The following HTR5A variants were observed in gnomAD, a reference collection of about 807,000 sequenced individuals.
The protein encoded by HTR5A is 5-hydroxytryptamine receptor 5A, also known as 5-HT-5.
Under a neutral mutation model 24.3 loss-of-function variants are expected in HTR5A, and 21 were observed. The observed-to-expected ratio is 0.86, with a 90% CI of 0.61 to 1.24. The LOEUF (loss-of-function observed/expected upper bound fraction) is 1.24, where lower values mean the gene tolerates loss of function less well. Among genes scored for constraint, HTR5A ranks in the 50% most tolerant of loss-of-function variants. The pLI is 0.00. For missense variants in HTR5A, 497 were observed against 489.5 expected (o/e 1.02, Z -0.15); for synonymous variants, 260 against 213.7 (o/e 1.22, Z -1.89).
chr7:155,082,323 T>G (rs1795426910), intron 1 of HTR5A, among the ~76,000 whole-genome samples: 1 of 152,076 alleles, frequency 6.6e-6, no homozygotes, highest in Non-Finnish European at 1.5e-5. Context: ...GTGAATGGCA[T>G]CCATGGTGTC....
intron 1 of HTR5A, among the ~76,000 whole-genome samples, chr7:155,072,084 T>A (rs533407594): frequency 6.6e-6 from 1 of 152,208 alleles, no homozygotes; most frequent in Admixed American, 6.5e-5. Flanking sequence ...CATGATTTGA[T>A]AAGAAGACTG....
rs145552975 is a variant in HTR5A, at chr7:155,084,202, C to T, written c.789C>T (p.His263=). The change falls in exon 2 of 2, where the codon CAC becomes CAT. Residue 263 remains histidine, a synonymous_variant. Transcript: ENST00000287907. ...CCCAGATGGTGTTCACGGTCCGCCA[C>T]GCCACCGTCACCTTCCAGCCAGAAG... ...KQPQMVFTVR[H]ATVTFQPEGD... 5.5e-4 allele frequency: 894 copies of T among 1,613,762 alleles called. 1 individual carries two copies. Among genetic ancestry groups the T allele is most frequent in the African/African-American group, 4.7e-3 (350 of 75,012 alleles).
intron 1 of HTR5A, among the ~76,000 whole-genome samples, chr7:155,073,282 C>G (rs2150817233): frequency 6.8e-6 from 1 of 147,442 alleles, no homozygotes; most frequent in East Asian, 2.0e-4. Context: ...GATTGCGCCA[C>G]TGCACTCCAG....
chr7:155,073,865 GTATATATATA>G lies in HTR5A; in HGVS notation c.741+2227_741+2236del, dbSNP rs151333626. ...CATATATATACATATGTGTGTGTGT[GTATATATATA>G]TGTATATATATATGTATATATATAT... On this transcript the variant is annotated intron_variant, in intron 1 of 1. Transcript: ENST00000287907. Among the ~76,000 whole-genome samples, 26 of 57,294 alleles carry G rather than the reference GTATATATATA, an allele frequency of 4.5e-4. 2 individuals carry two copies. Among genetic ancestry groups the G allele is most frequent in the African/African-American group, 7.2e-4 (8 of 11,168 alleles). 37.6% of individuals were successfully genotyped at this position (57,294 alleles called of 152,430 possible).
intron 1 of HTR5A, among the ~76,000 whole-genome samples, chr7:155,079,861 A>G (rs1379628969): frequency 1.3e-5 from 2 of 152,222 alleles, no homozygotes; most frequent in Admixed American, 1.3e-4. Flanking sequence ...ATTAAGCTGG[A>G]AAACAACAGG....
At chr7:155,078,751 C>CTTTTTTTTTT (rs67688182) in intron 1 of HTR5A, among the ~76,000 whole-genome samples, 2,554 of 139,042 alleles carry the variant, frequency 0.018, 44 homozygotes, top group East Asian at 0.038. Context: ...TTCTGTGCTT[C>CTTTTTTTTTT]TTTTTTTTTT....
At position 155,086,574 on chromosome 7, in the gene HTR5A, T is replaced by C. The variant is rs141657466; in HGVS notation, c.*2087T>C. On this transcript the variant is annotated 3_prime_UTR_variant, in exon 2 of 2. Coordinates refer to ENST00000287907, the MANE Select transcript of HTR5A (RefSeq NM_024012.4). ...AAGCCTCATTATTCTTATCACTCAA[T>C]ATGTATTTAACACCTCTCAGGTGTC... 9.6e-4 allele frequency among the ~76,000 whole-genome samples: 147 copies of C among 152,344 alleles called. No individual in the cohort carries two copies. The highest frequency in any genetic ancestry group is 3.3e-3 in the African/African-American group (136 of 41,586).
At chr7:155,080,340 T>C (rs1389400165) in intron 1 of HTR5A, among the ~76,000 whole-genome samples, 1 of 152,180 alleles carries the variant, frequency 6.6e-6, no homozygotes, top group Non-Finnish European at 1.5e-5. Flanking sequence ...TGCGAACTTA[T>C]CCAAGGACAT....
At position 155,076,482 on chromosome 7, in the gene HTR5A, G is replaced by T. The variant is rs1036764588; in HGVS notation, c.741+4842G>T. 2.6e-5 allele frequency among the ~76,000 whole-genome samples: 4 copies of T among 152,104 alleles called. No individual in the cohort carries two copies. The East Asian group carries it at 5.8e-4, about 22-fold the overall frequency. On this transcript the variant is annotated intron_variant, in intron 1 of 1. Coordinates refer to ENST00000287907, the MANE Select transcript of HTR5A (RefSeq NM_024012.4). ...CTTTGGGTAAGAAATTAAATTTTAT[G>T]GGAGAGACTGGACTACTTATTATAT...
intron 1 of HTR5A, among the ~76,000 whole-genome samples, chr7:155,079,893 A>C (rs186104613): frequency 1.3e-5 from 2 of 152,336 alleles, no homozygotes; most frequent in East Asian, 3.9e-4. Context: ...TATTTTCACA[A>C]GTCGACAAGT....
intron 1 of HTR5A, among the ~76,000 whole-genome samples, chr7:155,082,398 C>G (rs915223768): frequency 1.3e-5 from 2 of 152,198 alleles, no homozygotes; most frequent in Admixed American, 6.5e-5. Flanking sequence ...TCCAGTGTGA[C>G]CAGCATCCCC....
At chr7:155,077,979 A>G (rs1234100819) in intron 1 of HTR5A, among the ~76,000 whole-genome samples, 1 of 152,198 alleles carries the variant, frequency 6.6e-6, no homozygotes, top group Non-Finnish European at 1.5e-5. Context: ...GAAGTTTAAA[A>G]AGACAAAGAA....
Position 155,070,435 on chromosome 7 carries a change from T to C in HTR5A, c.-465T>C. On this transcript the variant is annotated 5_prime_UTR_variant, in exon 1 of 2. Coordinates refer to ENST00000287907, the MANE Select transcript of HTR5A (RefSeq NM_024012.4). ...AAAACTGGCTTCCCTAGCACGGAGTTAAGGCTGCAGCCGGCTGCCTAGAGA... is the reference window on the plus strand; with the variant it reads ...AAAACTGGCTTCCCTAGCACGGAGTCAAGGCTGCAGCCGGCTGCCTAGAGA... 2.2e-6 allele frequency: 1 copy of C among 444,778 alleles called. No homozygotes were observed. The highest frequency in any genetic ancestry group is 2.0e-5 in the African/African-American group (1 of 49,378). 27.6% of individuals were successfully genotyped at this position (444,778 alleles called of 1,614,324 possible). A position where few individuals can be genotyped will look rare whatever the true frequency, so the allele number is the denominator to read the frequency against.
rs576053064 is a variant in HTR5A, at chr7:155,074,060, G to A, written c.741+2420G>A. ...CTCTGTCCTTATGTTATGTTGAAGG[G>A]TTAATTACAAACCAGGCCTCCTGAT... On this transcript the variant is annotated intron_variant, in intron 1 of 1. Transcript: ENST00000287907. Among the ~76,000 whole-genome samples, 10 of 151,894 alleles carry A rather than the reference G, an allele frequency of 6.6e-5. No homozygotes were observed. In the South Asian group the frequency reaches 2.1e-3, roughly 32 times the overall value.
rs139059783 is a variant in HTR5A at position 155,078,568 on chromosome 7, C to T, written c.742-5587C>T. 5.3e-5 allele frequency among the ~76,000 whole-genome samples: 8 copies of T among 152,322 alleles called. No homozygotes were observed. The East Asian group carries it at 1.5e-3, about 29-fold the overall frequency. ...GCTCAAGTAATCCTCCTGCCTTGGC[C>T]TCCCAAAGTGCTGGGATTACAGGCG... On this transcript the variant is annotated intron_variant, in intron 1 of 1. Coordinates refer to ENST00000287907, the MANE Select transcript of HTR5A (RefSeq NM_024012.4).
chr7:155,070,990 C>A lies in HTR5A; in HGVS notation c.91C>A (p.Pro31Thr). The stretch of plus-strand genomic sequence containing the variant: ...CAGCCTCGGCAAAGACGACCTGCGC[C>A]CCAGCTCGCCCCTGCTCTCGGTCTT... ...NHSLGKDDLR[P>T]SSPLLSVFGV... The change falls in exon 1 of 2, where the codon CCC becomes ACC. Residue 31 changes from proline to threonine, a missense_variant. Pro to Thr is a conservative substitution (Grantham distance 38). Transcript: ENST00000287907. 6.2e-7 allele frequency: 1 copy of A among 1,611,892 alleles called. No homozygotes were observed. The highest frequency in any genetic ancestry group is 8.5e-7 in the Non-Finnish European group (1 of 1,180,034).
At chr7:155,073,092 G>A (rs1585119394) in intron 1 of HTR5A, among the ~76,000 whole-genome samples, 1 of 151,954 alleles carries the variant, frequency 6.6e-6, no homozygotes, top group Admixed American at 6.6e-5. Context: ...AGGCCGAGGC[G>A]GGCAGATCAC....
chr7:155,070,582 G>C lies in HTR5A; in HGVS notation c.-318G>C, dbSNP rs892310834. Reference sequence around the variant, plus strand: ...CGATCTGGGAGATGCTCGGCTCTGGGCGGCCAAACAGCCTTTCCACCAAGG... The same window carrying C: ...CGATCTGGGAGATGCTCGGCTCTGGCCGGCCAAACAGCCTTTCCACCAAGG... On this transcript the variant is annotated 5_prime_UTR_variant, in exon 1 of 2. Transcript: ENST00000287907. 9.5e-6 allele frequency: 4 copies of C among 420,242 alleles called. No individual in the cohort carries two copies. Among genetic ancestry groups the C allele is most frequent in the Non-Finnish European group, 1.3e-5 (3 of 226,448 alleles). 26.0% of individuals were successfully genotyped at this position (420,242 alleles called of 1,614,324 possible).
chr7:155,077,913 C>T (rs1000062044), intron 1 of HTR5A, among the ~76,000 whole-genome samples: 39 of 152,076 alleles, frequency 2.6e-4, no homozygotes, highest in African/African-American at 8.4e-4. Context: ...ATATTGACAC[C>T]CACATAAACA....
Sources: gnomAD v4.1 joint callset for allele counts (sites outside exome capture counted in the v4.1 genomes callset) on GRCh38, gnomAD v4.1.1 for gene constraint, MANE v1.5 for transcripts, NCBI Gene and HGNC (gene_info 2026-07-23, HGNC 2026-07-21) for gene names.